The following PCDHGB5 variants were observed in gnomAD, a reference collection of about 807,000 sequenced individuals.
PCDHGB5 encodes the protein protocadherin gamma subfamily B, 5, also known as protocadherin gamma-B5.
PCDHGB5 carries 48 observed loss-of-function variants against 62.9 expected under a neutral mutation model. That is an observed-to-expected ratio of 0.76 (90% CI 0.61 to 0.97). The LOEUF (loss-of-function observed/expected upper bound fraction) is 0.97. Among genes scored for constraint, PCDHGB5 ranks in the 50% least tolerant of loss-of-function variants. The pLI, the probability that PCDHGB5 is intolerant of heterozygous loss-of-function variation, is 0.00. For synonymous variants in PCDHGB5, 474 were observed against 511.2 expected, an observed-to-expected ratio of 0.93 and a Z score of 0.98; for missense variants, 1,118 against 1,198.6, an observed-to-expected ratio of 0.93 and a Z score of 0.99.
chr5:141,487,041 G>T lies in PCDHGB5; in HGVS notation c.2398-7766G>T, dbSNP rs149314216. Reference sequence around the variant, plus strand: ...GATCCCAGCCTGTTTGCAGTCTCTCGATATGCTGGGGAGGTGCGGACGGCT... The same window carrying T: ...GATCCCAGCCTGTTTGCAGTCTCTCTATATGCTGGGGAGGTGCGGACGGCT... On this transcript the variant is annotated intron_variant, in intron 1 of 3. Transcript: ENST00000617380. This position sits in a 1 kb window ranked among gnomAD's most constrained non-coding sequence, Gnocchi z 5.0. 6.2e-7 allele frequency: 1 copy of T among 1,614,132 alleles called. No homozygotes were observed. The highest frequency in any genetic ancestry group is 8.5e-7 in the Non-Finnish European group (1 of 1,180,030).
At chr5:141,413,867 T>TTG in intron 1 of PCDHGB5, 1 of 1,613,428 alleles carries the variant, frequency 6.2e-7, no homozygotes, top group Non-Finnish European at 8.5e-7. Flanking sequence ...GGCACTGTCC[T>TTG]TGTCAGTGTG....
intron 1 of PCDHGB5, among the ~76,000 whole-genome samples, chr5:141,464,749 T>A (rs1026757405): frequency 6.6e-6 from 1 of 152,216 alleles, no homozygotes; most frequent in African/African-American, 2.4e-5. Context: ...ATCTTTTTGT[T>A]TTTTTAGAGA....
At chr5:141,459,442 A>G (rs2098968073) in intron 1 of PCDHGB5, among the ~76,000 whole-genome samples, 1 of 152,198 alleles carries the variant, frequency 6.6e-6, no homozygotes, top group South Asian at 2.1e-4. Context: ...CATTCATTCA[A>G]CTGTTGGTGG....
chr5:141,428,426 C>T (rs1040765233), intron 1 of PCDHGB5: 1 of 435,172 alleles, frequency 2.3e-6, no homozygotes, highest in African/African-American at 2.0e-5. Context: ...GGTCTCTGTT[C>T]TAAGACTAGA....
At position 141,431,427 on chromosome 5, in the gene PCDHGB5, C is replaced by G. The variant is rs1269666597; in HGVS notation, c.2397+30903C>G. The stretch of plus-strand genomic sequence containing the variant: ...TCCGACGGGGGCGACCCGGTGCGCA[C>G]AGGCACCGCGCGCATCCGCGTGATG... On this transcript the variant is annotated intron_variant, in intron 1 of 3. Transcript: ENST00000617380. The surrounding 1 kb of genome is among the most constrained non-coding windows in gnomAD (Gnocchi z 4.8). 1.2e-6 allele frequency: 2 copies of G among 1,613,584 alleles called. No homozygotes were observed.
At chr5:141,439,727 C>G (rs940325016) in intron 1 of PCDHGB5, 2 of 152,406 alleles carry the variant, frequency 1.3e-5, no homozygotes, top group Non-Finnish European at 2.9e-5. Context: ...AAATTATAAG[C>G]AGGAACGGAA....
intron 1 of PCDHGB5, chr5:141,428,207 T>G (rs1213295979): frequency 7.6e-7 from 1 of 1,308,340 alleles, no homozygotes; most frequent in African/African-American, 1.4e-5. Context: ...GCCGCTACGC[T>G]TCACCTAGTC....
At chr5:141,410,830 G>T in intron 1 of PCDHGB5, 11 of 332,874 alleles carry the variant, frequency 3.3e-5, no homozygotes, top group East Asian at 5.9e-5. Context: ...TCACCAGACT[G>T]AAGATATTTT....
chr5:141,460,037 C>A (rs1203902962), intron 1 of PCDHGB5, among the ~76,000 whole-genome samples: 1 of 152,120 alleles, frequency 6.6e-6, no homozygotes, highest in African/African-American at 2.4e-5. Context: ...GAGACTGCAC[C>A]ACTGCACTCC....
rs1561863226 is a variant in PCDHGB5, at chr5:141,432,653, C to T, written c.2397+32129C>T. On this transcript the variant is annotated intron_variant, in intron 1 of 3. Transcript: ENST00000617380. The surrounding 1 kb of genome is among the most constrained non-coding windows in gnomAD (Gnocchi z 6.0). Reference sequence around the variant, plus strand: ...GGGCGAGGTGCGCACGGCGCGAGCCCTGCTGGACAGAGACGCGCTCAAGCA... The same window carrying T: ...GGGCGAGGTGCGCACGGCGCGAGCCTTGCTGGACAGAGACGCGCTCAAGCA... 5 of 1,613,852 alleles carry T rather than the reference C, an allele frequency of 3.1e-6. No individual in the cohort carries two copies. In the South Asian group the frequency reaches 4.4e-5, roughly 14 times the overall value.
rs2099624335 is a variant in PCDHGB5 at position 141,486,093 on chromosome 5, C to T, written c.2398-8714C>T. On this transcript the variant is annotated intron_variant, in intron 1 of 3. Coordinates refer to ENST00000617380, the MANE Select transcript of PCDHGB5 (RefSeq NM_018925.3). This position sits in a 1 kb window ranked among gnomAD's most constrained non-coding sequence, Gnocchi z 5.0. ...ACTGGAAAGCTTACTCTTTTGGGGC[C>T]CCTAGACTTTGAGAGTGAGAATTAC... 1 of 1,614,112 alleles carries T rather than the reference C, an allele frequency of 6.2e-7. No homozygotes were observed. The highest frequency in any genetic ancestry group is 8.5e-7 in the Non-Finnish European group (1 of 1,180,008).
intron 1 of PCDHGB5, chr5:141,403,322 A>G (rs1156229289): frequency 6.2e-7 from 1 of 1,613,982 alleles, no homozygotes; most frequent in Non-Finnish European, 8.5e-7. Flanking sequence ...AATAGAAGTA[A>G]CTGATATTAA....
intron 1 of PCDHGB5, chr5:141,423,965 T>C (rs911812056): frequency 8.1e-5 from 94 of 1,162,030 alleles, no homozygotes; most frequent in Admixed American, 1.3e-4. Context: ...TATTTTTCTA[T>C]TATCAGTGTA....
chr5:141,472,979 T>TAAAA (rs2099307936), intron 1 of PCDHGB5, among the ~76,000 whole-genome samples: 1 of 21,094 alleles, frequency 4.7e-5, no homozygotes, highest in Non-Finnish European at 9.8e-5. Context: ...AGAGTGAAAC[T>TAAAA]CAAAAAAAAA....
rs771858105 is a variant in PCDHGB5 at position 141,428,074 on chromosome 5, G to A, written c.2397+27550G>A. 4.4e-6 allele frequency: 7 copies of A among 1,609,112 alleles called. No homozygotes were observed. The African/African-American group carries it at 5.3e-5, about 12-fold the overall frequency. On this transcript the variant is annotated intron_variant, in intron 1 of 3. Transcript: ENST00000617380. The stretch of plus-strand genomic sequence containing the variant: ...GTGGTGGCGGTGGACGCAGATTCGG[G>A]ACACAACGCTTGGCTGTCCTACCAC...
chr5:141,503,045 G>A (rs543484478), intron 2 of PCDHGB5, among the ~76,000 whole-genome samples: 1 of 151,702 alleles, frequency 6.6e-6, no homozygotes, highest in South Asian at 2.1e-4. Context: ...AGTTGAGACA[G>A]GGTTTCACCA....
chr5:141,433,987 T>C (rs1332689630), intron 1 of PCDHGB5, among the ~76,000 whole-genome samples: 1 of 152,252 alleles, frequency 6.6e-6, no homozygotes, highest in Non-Finnish European at 1.5e-5. Context: ...GAAGAAGAGT[T>C]TTATATTCTC....
chr5:141,477,043 G>A lies in PCDHGB5; in HGVS notation c.2398-17764G>A. The A allele has an allele frequency of 6.2e-7, 1 of 1,614,260 alleles. No individual in the cohort carries two copies. Among genetic ancestry groups the A allele is most frequent in the Middle Eastern group, 1.6e-4 (1 of 6,062 alleles). On this transcript the variant is annotated intron_variant, in intron 1 of 3. Coordinates refer to ENST00000617380, the MANE Select transcript of PCDHGB5 (RefSeq NM_018925.3). This position sits in a 1 kb window ranked among gnomAD's most constrained non-coding sequence, Gnocchi z 4.9. The stretch of plus-strand genomic sequence containing the variant: ...CCGGGATGCTGACAATCAAGGGTCG[G>A]CTGGACTTCGAGGACACCAAACTCC...
At chr5:141,478,717 C>T (rs1381812771) in intron 1 of PCDHGB5, 1 of 1,545,032 alleles carries the variant, frequency 6.5e-7, no homozygotes, top group South Asian at 1.2e-5. Context: ...GAGATGGTGG[C>T]CTGCCAGAGT....
Sources: allele counts gnomAD v4.1 joint callset (sites outside exome capture counted in the v4.1 genomes callset), GRCh38; gene constraint gnomAD v4.1.1; non-coding constraint Gnocchi (gnomAD v3.1); transcripts MANE v1.5; gene names NCBI Gene and HGNC (gene_info 2026-07-23, HGNC 2026-07-21).